STAM2: variants seen among roughly 807,000 people sequenced by gnomAD.
STAM2 encodes signal transducing adaptor molecule 2, also known as signal transducing adapter molecule 2.
STAM2 carries 51 observed loss-of-function variants against 65.6 expected under a neutral mutation model. That is an observed-to-expected ratio of 0.78 (90% confidence interval 0.62 to 0.98). The LOEUF (loss-of-function observed/expected upper bound fraction) is 0.98. Among genes scored for constraint, STAM2 ranks in the 50% least tolerant of loss-of-function variants. STAM2 has a pLI of 0.00. For synonymous variants in STAM2, 198 were observed against 208.4 expected, an observed-to-expected ratio of 0.95 and a Z score of 0.43; for missense variants, 584 against 617.8, an observed-to-expected ratio of 0.95 and a Z score of 0.58.
At chr2:152,153,662 C>T (rs1000401849) in intron 1 of STAM2, among the ~76,000 whole-genome samples, 3 of 152,152 alleles carry the variant, frequency 2.0e-5, no homozygotes, top group Non-Finnish European at 2.9e-5. Context: ...AACATACCTA[C>T]TCAGGTTTTC....
chr2:152,171,088 T>TA (rs561644803), intron 1 of STAM2, among the ~76,000 whole-genome samples: 23 of 152,216 alleles, frequency 1.5e-4, no homozygotes, highest in Non-Finnish European at 2.8e-4. Flanking sequence ...ATATATAGTA[T>TA]ATTTGTAAGT....
At chr2:152,159,863 C>G (rs760603324) in intron 1 of STAM2, among the ~76,000 whole-genome samples, 2 of 152,230 alleles carry the variant, frequency 1.3e-5, no homozygotes, top group Non-Finnish European at 1.5e-5. Flanking sequence ...CCAGTGCCTG[C>G]GATTGCAGGC....
intron 7 of STAM2, among the ~76,000 whole-genome samples, chr2:152,143,092 T>A (rs1180822161): frequency 6.6e-6 from 1 of 152,222 alleles, no homozygotes; most frequent in Non-Finnish European, 1.5e-5. Flanking sequence ...GACAGAACTG[T>A]GTCCTCATTT....
chr2:152,144,748 A>G, intron 6 of STAM2, 140 bp downstream of exon 6: 1 of 600,548 alleles, frequency 1.7e-6, no homozygotes, highest in Non-Finnish European at 3.0e-6. Flanking sequence ...CTTGTTGGTC[A>G]GGCTGGTCTC....
chr2:152,140,348 TG>T (rs1689222724), intron 7 of STAM2, among the ~76,000 whole-genome samples: 1 of 152,246 alleles, frequency 6.6e-6, no homozygotes, highest in Non-Finnish European at 1.5e-5. Flanking sequence ...CAAAAAACTC[TG>T]CACTCTGAGA....
intron 1 of STAM2, among the ~76,000 whole-genome samples, chr2:152,167,619 G>C (rs1689810049): frequency 6.6e-6 from 1 of 152,172 alleles, no homozygotes. Context: ...CTTAGGCCAG[G>C]CATGGTGGCT....
chr2:152,173,318 G>C (rs1301884025), intron 1 of STAM2, among the ~76,000 whole-genome samples: 1 of 148,386 alleles, frequency 6.7e-6, no homozygotes, highest in Non-Finnish European at 1.5e-5. Context: ...GTCAAATAAT[G>C]ACTTGCTTTG....
intron 7 of STAM2, among the ~76,000 whole-genome samples, chr2:152,141,009 C>T (rs1689236096): frequency 6.6e-6 from 1 of 151,646 alleles, no homozygotes; most frequent in Non-Finnish European, 1.5e-5. Flanking sequence ...CATGGTGGTG[C>T]ACACCTGAAT....
intron 4 of STAM2, 42 bp downstream of exon 4, chr2:152,147,982 A>G (rs539199875): frequency 1.4e-6 from 2 of 1,450,362 alleles, no homozygotes; most frequent in Admixed American, 3.7e-5. Context: ...CACAATCTAC[A>G]TTTTTTTAAT....
At chr2:152,150,733 G>A (rs1293769694) in intron 1 of STAM2, among the ~76,000 whole-genome samples, 1 of 152,216 alleles carries the variant, frequency 6.6e-6, no homozygotes, top group East Asian at 1.9e-4. Context: ...TTGAGCCTAT[G>A]ACCTCAAGGC....
Position 152,132,120 on chromosome 2 carries a change from A to G in STAM2, c.1019T>C (p.Ile340Thr), listed in dbSNP as rs149980846. 74 of 1,611,472 alleles carry G rather than the reference A, an allele frequency of 4.6e-5. No homozygotes were observed. Among genetic ancestry groups the G allele is most frequent in the Non-Finnish European group, 5.6e-5 (66 of 1,178,422 alleles). Residue 340 changes from isoleucine to threonine, a missense_variant, in exon 11 of 14, where the codon ATT becomes ACT. Physicochemically the swap from Ile to Thr is moderately conservative, Grantham distance 89. Transcript: ENST00000263904. The stretch of plus-strand genomic sequence containing the variant: ...CCTGCACGAAAAATCTCACCTATCA[A>G]TTTCTTCAAGTTTTTCATCTATCAT... ...GPMIDEKLEE[I>T]DRKHSELSEL...
In STAM2 at chr2:152,121,271, GC is replaced by G. The variant is rs749704037; in HGVS notation, c.1350-470del. On this transcript the variant is annotated intron_variant, in intron 13 of 13. Transcript: ENST00000263904. ...TTACAGGCATGAGCCACCATGCCGA[GC>G]TTGTTAATGTAATTTTTATATTTGG... is the stretch of plus-strand genomic sequence containing the variant. 6.6e-5 allele frequency among the ~76,000 whole-genome samples: 10 copies of G among 152,316 alleles called. No homozygotes were observed. The South Asian group carries it at 1.9e-3, about 28-fold the overall frequency.
chr2:152,135,276 A>T (rs1208827015), intron 8 of STAM2, among the ~76,000 whole-genome samples: 1 of 152,232 alleles, frequency 6.6e-6, no homozygotes, highest in African/African-American at 2.4e-5. Flanking sequence ...CTGACATTTA[A>T]CTATGTATGC....
intron 1 of STAM2, among the ~76,000 whole-genome samples, chr2:152,152,125 GA>G (rs1213139860): frequency 6.6e-6 from 1 of 152,166 alleles, no homozygotes; most frequent in African/African-American, 2.4e-5. Context: ...ATTTTTTGTG[GA>G]GACGGGGTTT....
At chr2:152,152,644 C>T (rs1023750056) in intron 1 of STAM2, among the ~76,000 whole-genome samples, 1 of 152,146 alleles carries the variant, frequency 6.6e-6, no homozygotes, top group East Asian at 1.9e-4. Context: ...GACATTACGC[C>T]TTCATTGTCC....
intron 10 of STAM2, 39 bp downstream of exon 10, chr2:152,133,132 ATT>A: frequency 9.4e-7 from 1 of 1,063,252 alleles, no homozygotes; most frequent in Non-Finnish European, 1.2e-6. Flanking sequence ...TAGCTAAAAT[ATT>A]AAATAATATT....
At chr2:152,140,593 G>C (rs1441138087) in intron 7 of STAM2, among the ~76,000 whole-genome samples, 1 of 152,074 alleles carries the variant, frequency 6.6e-6, no homozygotes, top group South Asian at 2.1e-4. Context: ...ACCTTGTGGG[G>C]GTCTTTTCCT....
At position 152,123,803 on chromosome 2, in the gene STAM2, A is replaced by G. The variant is rs751541091; in HGVS notation, c.1312T>C (p.Ser438Pro). The G allele has an allele frequency of 6.2e-7, 1 of 1,614,174 alleles. No individual in the cohort carries two copies. Among genetic ancestry groups the G allele is most frequent in the Admixed American group, 1.7e-5 (1 of 60,026 alleles). The change falls in exon 13 of 14, where the codon TCA becomes CCA. Residue 438 changes from serine to proline, a missense_variant. By Grantham distance (74) the Ser-to-Pro change is moderately conservative (BLOSUM62 -1). Transcript: ENST00000263904. ...GTTTGAGCAGGCTGTGCTGTCACTG[A>G]GGAATTCACATTTGGAGGCAGAGAT... ...LRSLPPNVNS[S>P]VTAQPAQTSY...
chr2:152,123,345 C>G (rs1470091767), intron 13 of STAM2, among the ~76,000 whole-genome samples: 1 of 152,176 alleles, frequency 6.6e-6, no homozygotes, highest in Non-Finnish European at 1.5e-5. Flanking sequence ...GCACTCCAGC[C>G]TGGGTGACAG....
Sources: allele counts gnomAD v4.1 joint callset (sites outside exome capture counted in the v4.1 genomes callset), GRCh38; gene constraint gnomAD v4.1.1; transcripts MANE v1.5; gene names NCBI Gene and HGNC (gene_info 2026-07-23, HGNC 2026-07-21).